Variants in C8orf34 observed in about 807,000 individuals in gnomAD.
C8orf34 encodes chromosome 8 open reading frame 34, also known as uncharacterized protein C8orf34.
C8orf34 carries 65 observed loss-of-function variants against 68.3 expected under a neutral mutation model. The observed-to-expected ratio is 0.95, with a 90% confidence interval of 0.78 to 1.17. The LOEUF (loss-of-function observed/expected upper bound fraction) is 1.17, where lower values mean the gene tolerates loss of function less well. Ranked by LOEUF, C8orf34 falls within the 50% of genes most tolerant of loss-of-function variation. C8orf34 has a pLI of 0.00. For missense variants in C8orf34, 664 were observed against 655.4 expected (o/e 1.01, Z -0.14); for synonymous variants, 244 against 241.2 (o/e 1.01, Z -0.11).
rs1809158964 is a variant in C8orf34 at position 68,405,595 on chromosome 8, G to A, written c.328-33904G>A. Reference sequence around the variant, plus strand: ...ATCCACTTATGTCTTATATCGGACAGCATCCATTTTATCACCATTTCACAT... The same window carrying A: ...ATCCACTTATGTCTTATATCGGACAACATCCATTTTATCACCATTTCACAT... On this transcript the variant is annotated intron_variant, in intron 1 of 13. Transcript: ENST00000518698. Among the ~76,000 whole-genome samples the A allele has an allele frequency of 2.6e-5, 4 of 152,226 alleles. No individual in the cohort carries two copies. The South Asian group carries it at 8.3e-4, about 32-fold the overall frequency.
At chr8:68,708,962 A>G in intron 8 of C8orf34, 32 bp from the exon 9 acceptor site, 2 of 1,468,450 alleles carry the variant, frequency 1.4e-6, no homozygotes, top group South Asian at 1.2e-5. Context: ...TAACATTATG[A>G]GATGTTTCAA....
chr8:68,492,909 G>A (rs1428865643), intron 5 of C8orf34, among the ~76,000 whole-genome samples: 4 of 152,156 alleles, frequency 2.6e-5, no homozygotes, highest in South Asian at 2.1e-4. Flanking sequence ...ATTGAATGTC[G>A]GCACCTGCCA....
chr8:68,720,358 G>A (rs1189056141), intron 9 of C8orf34, among the ~76,000 whole-genome samples: 1 of 151,878 alleles, frequency 6.6e-6, no homozygotes, highest in Non-Finnish European at 1.5e-5. Flanking sequence ...ATTTATTATG[G>A]ATTTGGGCTA....
At chr8:68,516,798 G>T (rs1055987992) in intron 5 of C8orf34, among the ~76,000 whole-genome samples, 5 of 151,732 alleles carry the variant, frequency 3.3e-5, no homozygotes, top group Non-Finnish European at 5.9e-5. Context: ...GTGCCACCAC[G>T]CCCAGCTAAT....
At chr8:68,814,702 T>A (rs1206867236) in intron 12 of C8orf34, among the ~76,000 whole-genome samples, 2 of 152,216 alleles carry the variant, frequency 1.3e-5, no homozygotes, top group African/African-American at 4.8e-5. Context: ...AGGGTGAAGA[T>A]AAGATTTAAA....
intron 7 of C8orf34, chr8:68,534,628 C>T (rs1815385376): frequency 1.0e-6 from 1 of 985,478 alleles, no homozygotes; most frequent in Non-Finnish European, 1.2e-6. Flanking sequence ...TAGATGTAAG[C>T]TCAGCAGGTG....
At chr8:68,435,049 CAAA>C (rs550862710) in intron 1 of C8orf34, among the ~76,000 whole-genome samples, 6 of 75,736 alleles carry the variant, frequency 7.9e-5, no homozygotes, top group Admixed American at 3.0e-4. Flanking sequence ...GACTCCATCT[CAAA>C]AAAAAAAAAA....
chr8:68,407,352 C>A (rs762276847), intron 1 of C8orf34, among the ~76,000 whole-genome samples: 1 of 151,898 alleles, frequency 6.6e-6, no homozygotes, highest in Non-Finnish European at 1.5e-5. Flanking sequence ...GGGGCATATT[C>A]GTAAAACTGT....
intron 7 of C8orf34, among the ~76,000 whole-genome samples, chr8:68,553,284 C>T (rs1428929430): frequency 6.7e-6 from 1 of 148,464 alleles, no homozygotes; most frequent in Non-Finnish European, 1.5e-5. Flanking sequence ...ACTTGGGAGG[C>T]TGAGGCAGGA....
intron 2 of C8orf34, among the ~76,000 whole-genome samples, chr8:68,442,695 CA>C (rs1810961724): frequency 6.6e-6 from 1 of 152,114 alleles, no homozygotes; most frequent in African/African-American, 2.4e-5. Context: ...GGAATGATTC[CA>C]TATTATGAGA....
At chr8:68,553,735 C>G (rs1400177625) in intron 7 of C8orf34, among the ~76,000 whole-genome samples, 1 of 152,114 alleles carries the variant, frequency 6.6e-6, no homozygotes, top group African/African-American at 2.4e-5. Flanking sequence ...TCCTCTCTCT[C>G]TCTTTTTCTT....
rs566819837 is a variant in C8orf34 at position 68,466,540 on chromosome 8, A to G, written c.608-2152A>G. ...AATAAAAATAAAAATAAAATGCACCATGGAAGTATCTTTATGGTAATATAC... is the reference window on the plus strand; with the variant it reads ...AATAAAAATAAAAATAAAATGCACCGTGGAAGTATCTTTATGGTAATATAC... On this transcript the variant is annotated intron_variant, in intron 3 of 13. Transcript: ENST00000518698. Among the ~76,000 whole-genome samples, 9 of 151,774 alleles carry G rather than the reference A, an allele frequency of 5.9e-5. No individual in the cohort carries two copies. The South Asian group carries it at 1.9e-3, about 32-fold the overall frequency.
At chr8:68,381,057 A>C (rs887115434) in intron 1 of C8orf34, among the ~76,000 whole-genome samples, 1 of 152,222 alleles carries the variant, frequency 6.6e-6, no homozygotes, top group African/African-American at 2.4e-5. Context: ...AATCATCAGA[A>C]AGCACAGCTT....
intron 1 of C8orf34, among the ~76,000 whole-genome samples, chr8:68,436,663 G>A (rs1176738258): frequency 6.6e-6 from 1 of 152,034 alleles, no homozygotes; most frequent in African/African-American, 2.4e-5. Flanking sequence ...TTTCCTACTG[G>A]TGTTCAGCTT....
chr8:68,522,489 CTTTG>C (rs922260476), intron 6 of C8orf34, among the ~76,000 whole-genome samples: 2 of 152,004 alleles, frequency 1.3e-5, no homozygotes, highest in Non-Finnish European at 2.9e-5. Flanking sequence ...CATATATATT[CTTTG>C]TTTAATTTTT....
At chr8:68,341,686 C>G (rs754555448) in intron 1 of C8orf34, among the ~76,000 whole-genome samples, 3 of 152,108 alleles carry the variant, frequency 2.0e-5, no homozygotes, top group Non-Finnish European at 2.9e-5. Context: ...TCCTGTGCCC[C>G]TCTGCCCATC....
intron 7 of C8orf34, among the ~76,000 whole-genome samples, chr8:68,540,919 G>A (rs916709072): frequency 6.6e-6 from 1 of 152,064 alleles, no homozygotes; most frequent in Admixed American, 6.6e-5. Context: ...TTTATTGCAG[G>A]AAATTAATTA....
At chr8:68,781,077 C>T (rs1338375916) in intron 11 of C8orf34, among the ~76,000 whole-genome samples, 1 of 152,012 alleles carries the variant, frequency 6.6e-6, no homozygotes, top group South Asian at 2.1e-4. Flanking sequence ...ATGTTTTGTG[C>T]GTTAGTGACA....
intron 1 of C8orf34, among the ~76,000 whole-genome samples, chr8:68,437,003 T>C (rs1383066961): frequency 6.6e-6 from 1 of 152,230 alleles, no homozygotes; most frequent in Non-Finnish European, 1.5e-5. Context: ...GGGTAATTAC[T>C]CTTGCAAATA....
Sources: allele counts gnomAD v4.1 joint callset (sites outside exome capture counted in the v4.1 genomes callset), GRCh38; gene constraint gnomAD v4.1.1; transcripts MANE v1.5; gene names NCBI Gene and HGNC (gene_info 2026-07-23, HGNC 2026-07-21).